Variants in SH2D4B observed in about 807,000 individuals in gnomAD.
SH2D4B encodes the protein SH2 domain containing 4B.
A neutral mutation model predicts 61.5 loss-of-function variants in SH2D4B; 45 were observed. The ratio of observed to expected loss-of-function variants is 0.73; its 90% CI spans 0.58 to 0.94. The LOEUF (loss-of-function observed/expected upper bound fraction) is 0.94. Ranked by LOEUF, SH2D4B falls within the 40% of genes least tolerant of loss-of-function variation. The probability of loss-of-function intolerance (pLI) is 0.00; values close to 1 mark genes in which losing one functional copy is unlikely to be tolerated. For missense variants in SH2D4B, 572 were observed against 574.2 expected (o/e 1.00, Z 0.04); for synonymous variants, 224 against 220.4 (o/e 1.02, Z -0.14).
intron 1 of SH2D4B, among the ~76,000 whole-genome samples, chr10:80,545,100 T>C (rs1841654268): frequency 6.6e-6 from 1 of 152,234 alleles, no homozygotes; most frequent in Non-Finnish European, 1.5e-5. Flanking sequence ...AAAATACACA[T>C]AACATGAAAT....
At chr10:80,616,819 GT>G (rs1842666357) in intron 6 of SH2D4B, among the ~76,000 whole-genome samples, 1 of 152,236 alleles carries the variant, frequency 6.6e-6, no homozygotes, top group African/African-American at 2.4e-5. Flanking sequence ...TGAACATCCA[GT>G]ATTTCACTTA....
intron 3 of SH2D4B, among the ~76,000 whole-genome samples, chr10:80,581,792 T>C (rs371902969): frequency 3.2e-4 from 48 of 152,352 alleles, no homozygotes; most frequent in East Asian, 2.5e-3. Flanking sequence ...CAGCATGCAG[T>C]TGATGTCCCT....
chr10:80,580,918 C>G (rs920116243), intron 3 of SH2D4B, among the ~76,000 whole-genome samples: 1 of 152,136 alleles, frequency 6.6e-6, no homozygotes, highest in Non-Finnish European at 1.5e-5. Context: ...GGCTGCTAAA[C>G]CTCAGAAAAA....
intron 1 of SH2D4B, among the ~76,000 whole-genome samples, chr10:80,541,652 A>G (rs1406614770): frequency 6.6e-6 from 1 of 151,834 alleles, no homozygotes; most frequent in East Asian, 1.9e-4. Context: ...CTTGGGCTCA[A>G]GTAACACTCC....
chr10:80,538,574 T>G lies in SH2D4B; in HGVS notation c.184+59T>G. ...CCAGTCCCCCAGGAGGTAGAAAAAT[T>G]AGCAGGGCCAGGCTGTGCCCTTCTT... On this transcript the variant is annotated intron_variant, in intron 1 of 7. Coordinates refer to ENST00000646907, the MANE Select transcript of SH2D4B (RefSeq NM_001388272.1). This position sits in a 1 kb window ranked among gnomAD's most constrained non-coding sequence, Gnocchi z 4.8. 7.8e-7 allele frequency: 1 copy of G among 1,290,104 alleles called. No individual in the cohort carries two copies. The highest frequency in any genetic ancestry group is 1.0e-6 in the Non-Finnish European group (1 of 1,002,538). 79.9% of individuals were successfully genotyped at this position (1,290,104 alleles called of 1,614,324 possible).
At position 80,541,081 on chromosome 10, in the gene SH2D4B, A is replaced by C. The variant is rs762563368; in HGVS notation, c.184+2566A>C. 4 of 689,546 alleles carry C rather than the reference A, an allele frequency of 5.8e-6. No homozygotes were observed. The South Asian group carries it at 6.3e-5, about 11-fold the overall frequency. The allele number at this position is 689,546 out of a possible 1,614,324, so 42.7% of individuals were successfully genotyped here. ...AGAGAGAAGTGCGGGCGTGCTCATG[A>C]GAACGTGTCACACCCAGCAGAGTCT... is the stretch of plus-strand genomic sequence containing the variant. On this transcript the variant is annotated intron_variant, in intron 1 of 7. Transcript: ENST00000646907.
chr10:80,622,249 T>A (rs1842722525), intron 6 of SH2D4B, among the ~76,000 whole-genome samples: 1 of 152,216 alleles, frequency 6.6e-6, no homozygotes, highest in Admixed American at 6.5e-5. Context: ...CTGATAGGCT[T>A]CACATGTATC....
intron 6 of SH2D4B, among the ~76,000 whole-genome samples, chr10:80,628,368 A>T (rs981545586): frequency 2.6e-5 from 4 of 152,122 alleles, no homozygotes; most frequent in African/African-American, 9.7e-5. Flanking sequence ...TCCCCACAGA[A>T]GCTCCTCTTT....
chr10:80,579,497 C>G (rs1037762759), intron 3 of SH2D4B, among the ~76,000 whole-genome samples: 1 of 152,202 alleles, frequency 6.6e-6, no homozygotes, highest in Non-Finnish European at 1.5e-5. Context: ...TCCTTCTGTT[C>G]AAGACCACAG....
At position 80,609,600 on chromosome 10, in the gene SH2D4B, CCT is replaced by C. The variant is rs767624747; in HGVS notation, c.988+56_988+57del. Reference sequence around the variant, plus strand: ...GTGCCAGATGATTTCCACATCTTTGCCTCTCTCTGGGGTTGGGGAGGGGTGCT... The same window carrying C: ...GTGCCAGATGATTTCCACATCTTTGCCTCTCTGGGGTTGGGGAGGGGTGCT... On this transcript the variant is annotated intron_variant, in intron 6 of 7. Transcript: ENST00000646907. The C allele has an allele frequency of 1.1e-5, 17 of 1,612,364 alleles. No homozygotes were observed. The South Asian group carries it at 1.4e-4, about 14-fold the overall frequency.
intron 7 of SH2D4B, among the ~76,000 whole-genome samples, chr10:80,639,665 T>C (rs1022024751): frequency 3.9e-5 from 6 of 152,224 alleles, no homozygotes; most frequent in African/African-American, 7.2e-5. Flanking sequence ...ATTTTGAGCC[T>C]ATGTGTGTCT....
chr10:80,562,271 A>T (rs564240699), intron 1 of SH2D4B, among the ~76,000 whole-genome samples: 8 of 152,160 alleles, frequency 5.3e-5, no homozygotes, highest in Non-Finnish European at 1.2e-4. Context: ...ATAATACTCC[A>T]CTGTGTACAA....
At chr10:80,589,431 C>CGG (rs1434493283) in intron 4 of SH2D4B, among the ~76,000 whole-genome samples, 1 of 152,082 alleles carries the variant, frequency 6.6e-6, no homozygotes, top group Non-Finnish European at 1.5e-5. Flanking sequence ...CCCAGCTACT[C>CGG]GGGAGGCTGA....
intron 3 of SH2D4B, among the ~76,000 whole-genome samples, chr10:80,577,504 G>A (rs1208514477): frequency 1.3e-5 from 2 of 150,426 alleles, no homozygotes; most frequent in African/African-American, 4.9e-5. Context: ...TCAGCTCACT[G>A]CAAGCTCCAC....
chr10:80,603,515 C>T lies in SH2D4B; in HGVS notation c.644-64C>T. 2.1e-6 allele frequency: 3 copies of T among 1,401,660 alleles called. No individual in the cohort carries two copies. The South Asian group carries it at 4.2e-5, about 20-fold the overall frequency. The allele number at this position is 1,401,660 out of a possible 1,614,324, so 86.8% of individuals were successfully genotyped here. A position where few individuals can be genotyped will look rare whatever the true frequency, so the allele number is the denominator to read the frequency against. On this transcript the variant is annotated intron_variant, in intron 4 of 7. Coordinates refer to ENST00000646907, the MANE Select transcript of SH2D4B (RefSeq NM_001388272.1). ...TGCACCAACCAAATACTTCCTGTCCCAGCTGGCGCAGTGCACCGCCTGGGC... is the reference window on the plus strand; with the variant it reads ...TGCACCAACCAAATACTTCCTGTCCTAGCTGGCGCAGTGCACCGCCTGGGC...
In SH2D4B at chr10:80,646,534, T is replaced by C. The variant is rs1840397063; in HGVS notation, c.*2449T>C. On this transcript the variant is annotated 3_prime_UTR_variant, in exon 8 of 8. Transcript: ENST00000646907. ...CAATTTCATCTTGAGAGTTTTATTA[T>C]GCTAATAAATGTCAGGATTCTCATA... 2.0e-5 allele frequency: 3 copies of C among 152,308 alleles called. No individual in the cohort carries two copies. The highest frequency in any genetic ancestry group is 7.2e-5 in the African/African-American group (3 of 41,570). The allele number at this position is 152,308 out of a possible 1,614,324, so 9.4% of individuals were successfully genotyped here.
At chr10:80,563,802 T>G (rs1841935788) in intron 1 of SH2D4B, among the ~76,000 whole-genome samples, 1 of 152,214 alleles carries the variant, frequency 6.6e-6, no homozygotes, top group South Asian at 2.1e-4. Flanking sequence ...GCATTATATG[T>G]GCTGAGTTAA....
chr10:80,571,317 A>C, intron 2 of SH2D4B, 114 bp from the exon 3 acceptor site: 1 of 1,249,798 alleles, frequency 8.0e-7, no homozygotes, highest in Non-Finnish European at 1.1e-6. Flanking sequence ...CTTTGCCAAC[A>C]CCGAATTCTG....
intron 4 of SH2D4B, among the ~76,000 whole-genome samples, chr10:80,597,830 T>C (rs1414617803): frequency 6.6e-6 from 1 of 152,080 alleles, no homozygotes; most frequent in Non-Finnish European, 1.5e-5. Context: ...CAGAGGGAAC[T>C]GTGTTGAGCA....
Sources: allele counts gnomAD v4.1 joint callset (sites outside exome capture counted in the v4.1 genomes callset), GRCh38; gene constraint gnomAD v4.1.1; non-coding constraint Gnocchi (gnomAD v3.1); transcripts MANE v1.5; gene names NCBI Gene and HGNC (gene_info 2026-07-23, HGNC 2026-07-21).